The following TIMM44 variants were observed in gnomAD, a reference collection of about 807,000 sequenced individuals.
TIMM44 encodes mitochondrial import inner membrane translocase subunit TIM44.
TIMM44 carries 37 observed loss-of-function variants against 63.8 expected under a neutral mutation model. The observed-to-expected ratio is 0.58, with a 90% CI of 0.45 to 0.76. The LOEUF (loss-of-function observed/expected upper bound fraction) is 0.76, where lower values mean the gene tolerates loss of function less well. TIMM44 is among the 30% of genes least tolerant of loss of function. TIMM44 has a pLI of 0.00. For synonymous variants in TIMM44, 239 were observed against 245.1 expected (o/e 0.98, Z 0.23); for missense variants, 573 against 603.8 (o/e 0.95, Z 0.54).
At chr19:7,939,171 C>T (rs1255870022) in intron 2 of TIMM44, among the ~76,000 whole-genome samples, 1 of 151,976 alleles carries the variant, frequency 6.6e-6, no homozygotes, top group East Asian at 1.9e-4. Flanking sequence ...AACATCCTGT[C>T]AATTGTGACA....
At chr19:7,935,676 C>T (rs1003710658) in intron 3 of TIMM44, among the ~76,000 whole-genome samples, 3 of 152,336 alleles carry the variant, frequency 2.0e-5, no homozygotes, top group East Asian at 1.9e-4. Flanking sequence ...CTCGGGTCCC[C>T]GCTTGGCAGC....
rs1568296604 is a variant in TIMM44, at chr19:7,934,293, GC to G, written c.394-56del. The stretch of plus-strand genomic sequence containing the variant: ...TGGCACCGGCCCTGGCGGCCGGGGG[GC>G]GGGGCAGGAGGAATGAATTCCTGCC... On this transcript the variant is annotated intron_variant, in intron 4 of 12. Coordinates refer to ENST00000270538, the MANE Select transcript of TIMM44 (RefSeq NM_006351.4). The surrounding 1 kb of genome is among the most constrained non-coding windows in gnomAD (Gnocchi z 5.3). 1 of 1,599,990 alleles carries G rather than the reference GC, an allele frequency of 6.3e-7. No individual in the cohort carries two copies. Among genetic ancestry groups the G allele is most frequent in the Non-Finnish European group, 8.5e-7 (1 of 1,176,958 alleles).
Position 7,927,087 on chromosome 19 carries a change from C to A in TIMM44, c.*100G>T. On this transcript the variant is annotated 3_prime_UTR_variant, in exon 13 of 13. Transcript: ENST00000270538. ...TCCTGGCAGAGCTGGGGGCAGAGCC[C>A]GCAGTCTTGTTCCCAGAGGTCTGGA... 1.3e-6 allele frequency: 2 copies of A among 1,495,428 alleles called. No homozygotes were observed. Among genetic ancestry groups the A allele is most frequent in the Non-Finnish European group, 1.8e-6 (2 of 1,111,224 alleles). The allele number at this position is 1,495,428 out of a possible 1,614,324, so 92.6% of individuals were successfully genotyped here.
Position 7,934,103 on chromosome 19 carries a change from T to C in TIMM44, c.529A>G (p.Arg177Gly). Residue 177 changes from arginine to glycine, a missense_variant, in exon 5 of 13, where the codon AGA (arginine) becomes GGA (glycine). Coordinates refer to ENST00000270538, the MANE Select transcript of TIMM44 (RefSeq NM_006351.4). This position sits in a 1 kb window ranked among gnomAD's most constrained non-coding sequence, Gnocchi z 5.3. Reference protein sequence around the residue: ...GEKLGRTAAFRALSQGVESVK... With the variant: ...GEKLGRTAAFGALSQGVESVK... ...ACTGGGCTCACCTGGGAGAGGGCTC[T>C]GAAGGCCGCTGTCCTGCCCAGCTTC... The C allele has an allele frequency of 6.2e-7, 1 of 1,613,266 alleles. No homozygotes were observed. Among genetic ancestry groups the C allele is most frequent in the South Asian group, 1.1e-5 (1 of 91,082 alleles).
intron 1 of TIMM44, among the ~76,000 whole-genome samples, chr19:7,942,589 A>G (rs1170445640): frequency 4.0e-5 from 6 of 150,688 alleles, no homozygotes; most frequent in Non-Finnish European, 8.9e-5. Flanking sequence ...TCTGCCTCCT[A>G]CCTCTGAGAA....
Position 7,930,443 on chromosome 19 carries a change from G to A in TIMM44, c.1038+695C>T, listed in dbSNP as rs910674437. Among the ~76,000 whole-genome samples the A allele has an allele frequency of 2.0e-5, 3 of 151,878 alleles. No individual in the cohort carries two copies. The Middle Eastern group carries it at 0.01, about 517-fold the overall frequency. Reference sequence around the variant, plus strand: ...ACTGCCTCAGCCTCCCCAGTAGCTGGGATTACAGACATGCACCAGCATGCC... The same window carrying A: ...ACTGCCTCAGCCTCCCCAGTAGCTGAGATTACAGACATGCACCAGCATGCC... On this transcript the variant is annotated intron_variant, in intron 10 of 12. Coordinates refer to ENST00000270538, the MANE Select transcript of TIMM44 (RefSeq NM_006351.4).
At chr19:7,939,125 G>C (rs909911053) in intron 2 of TIMM44, among the ~76,000 whole-genome samples, 13 of 152,084 alleles carry the variant, frequency 8.5e-5, no homozygotes, top group African/African-American at 2.7e-4. Flanking sequence ...GAGGGAACCG[G>C]AAGGTAAACC....
Position 7,931,246 on chromosome 19 carries a change from G to A in TIMM44, c.988-58C>T, listed in dbSNP as rs1213934853. ...AGAGTGGGCTTTTCAGGCAGCAGGCGAGGTCCTGGGAACATTCTCCAGTGG... is the reference window on the plus strand; with the variant it reads ...AGAGTGGGCTTTTCAGGCAGCAGGCAAGGTCCTGGGAACATTCTCCAGTGG... On this transcript the variant is annotated intron_variant, in intron 9 of 12. Transcript: ENST00000270538. The A allele has an allele frequency of 9.3e-6, 14 of 1,499,974 alleles. No homozygotes were observed. In the Admixed American group the frequency reaches 1.5e-4, roughly 16 times the overall value. 92.9% of individuals were successfully genotyped at this position (1,499,974 alleles called of 1,614,324 possible). A position where few individuals can be genotyped will look rare whatever the true frequency, so the allele number is the denominator to read the frequency against.
chr19:7,942,201 G>T (rs1463166809), intron 1 of TIMM44, among the ~76,000 whole-genome samples: 1 of 152,150 alleles, frequency 6.6e-6, no homozygotes, highest in Non-Finnish European at 1.5e-5. Context: ...ACAAAAATTA[G>T]CCGGGCGTGG....
At position 7,932,776 on chromosome 19, in the gene TIMM44, C is replaced by CG. The variant is rs567764589; in HGVS notation, c.863-26dup. 327 of 1,613,954 alleles carry CG rather than the reference C, an allele frequency of 2.0e-4. 1 individual carries two copies. In the South Asian group the frequency reaches 3.3e-3, roughly 17 times the overall value. On this transcript the variant is annotated intron_variant, in intron 8 of 12. Coordinates refer to ENST00000270538, the MANE Select transcript of TIMM44 (RefSeq NM_006351.4). ...CCTGCAGGGAGCAGAGCCGGGAGTT[C>CG]GGGGGGAAGGCCGGGGACCCCGCCC...
chr19:7,940,477 G>A (rs933306087), intron 2 of TIMM44, among the ~76,000 whole-genome samples: 1 of 152,034 alleles, frequency 6.6e-6, no homozygotes, highest in Admixed American at 6.6e-5. Context: ...CACAGGTCCT[G>A]TCCCACACCC....
chr19:7,943,467 CTA>C lies in TIMM44; in HGVS notation c.45+138_45+139del. 1 of 1,051,370 alleles carries C rather than the reference CTA, an allele frequency of 9.5e-7. No individual in the cohort carries two copies. Among genetic ancestry groups the C allele is most frequent in the African/African-American group, 1.6e-5 (1 of 63,318 alleles). 65.1% of individuals were successfully genotyped at this position (1,051,370 alleles called of 1,614,324 possible). A position where few individuals can be genotyped will look rare whatever the true frequency, so the allele number is the denominator to read the frequency against. On this transcript the variant is annotated intron_variant, in intron 1 of 12. Transcript: ENST00000270538. The surrounding 1 kb of genome is among the most constrained non-coding windows in gnomAD (Gnocchi z 4.3). ...TCTGTGCCCCCTGTCCTGGCCTCTGCTACCCAAAGATCTAACCCCAAGCTTTC... is the reference window on the plus strand; with the variant it reads ...TCTGTGCCCCCTGTCCTGGCCTCTGCCCCAAAGATCTAACCCCAAGCTTTC...
In TIMM44 at chr19:7,935,127, T is replaced by C. The variant is rs1599649640; in HGVS notation, c.331A>G (p.Thr111Ala). Residue 111 changes from threonine to alanine, a missense_variant, in exon 4 of 13, where the codon ACC becomes GCC. Physicochemically the swap from Thr to Ala is moderately conservative, Grantham distance 58 (BLOSUM62 0). Coordinates refer to ENST00000270538, the MANE Select transcript of TIMM44 (RefSeq NM_006351.4). ...CGTAGCACCTCGCTCGTCCGCACGG[T>C]TTCTGACTCGATGGTTTTCTAGGTA... ...RRKYKTIESE[T>A]VRTSEVLRKK... is the part of the protein sequence containing the mutation. 6.2e-7 allele frequency: 1 copy of C among 1,613,486 alleles called. No individual in the cohort carries two copies. Among genetic ancestry groups the C allele is most frequent in the East Asian group, 2.2e-5 (1 of 44,860 alleles).
intron 2 of TIMM44, among the ~76,000 whole-genome samples, chr19:7,939,843 G>A (rs1274338814): frequency 6.6e-6 from 1 of 151,824 alleles, no homozygotes; most frequent in Non-Finnish European, 1.5e-5. Flanking sequence ...AACTCGGGAG[G>A]TGGAGGTTGC....
intron 2 of TIMM44, among the ~76,000 whole-genome samples, chr19:7,939,714 G>A (rs1432623190): frequency 6.6e-5 from 10 of 151,642 alleles, no homozygotes; most frequent in Non-Finnish European, 1.5e-4. Context: ...CCAGGAGTCC[G>A]AGACAAGCCT....
In TIMM44 at chr19:7,935,117, G is replaced by A. The variant is rs143916790; in HGVS notation, c.341C>T (p.Thr114Met). 3.7e-5 allele frequency: 60 copies of A among 1,612,470 alleles called. No individual in the cohort carries two copies. In the East Asian group the frequency reaches 4.2e-4, roughly 11 times the overall value. The change falls in exon 4 of 13, where the codon ACG becomes ATG. Residue 114 changes from threonine (T) to methionine (M), a missense_variant. Thr to Met is a moderately conservative substitution (Grantham distance 81). Coordinates refer to ENST00000270538, the MANE Select transcript of TIMM44 (RefSeq NM_006351.4). ...AAGCTTCTTCCGTAGCACCTCGCTC[G>A]TCCGCACGGTTTCTGACTCGATGGT... ...YKTIESETVR[T>M]SEVLRKKLGE...
Position 7,926,952 on chromosome 19 carries a change from T to G in TIMM44, c.*235A>C. On this transcript the variant is annotated 3_prime_UTR_variant, in exon 13 of 13. Coordinates refer to ENST00000270538, the MANE Select transcript of TIMM44 (RefSeq NM_006351.4). ...CCAGGTGACCAGGCGCCGGGACCCC[T>G]GCAGGGCAGAGCAACAGGGCAGGGG... 1.8e-6 allele frequency: 1 copy of G among 561,126 alleles called. No individual in the cohort carries two copies. The highest frequency in any genetic ancestry group is 3.2e-6 in the Non-Finnish European group (1 of 315,370). 34.8% of individuals were successfully genotyped at this position (561,126 alleles called of 1,614,324 possible).
At chr19:7,930,128 C>T (rs896742825) in intron 10 of TIMM44, among the ~76,000 whole-genome samples, 9 of 151,806 alleles carry the variant, frequency 5.9e-5, no homozygotes, top group African/African-American at 1.5e-4. Flanking sequence ...GGATGACAGG[C>T]GTTAGCCACC....
At position 7,928,102 on chromosome 19, in the gene TIMM44, C is replaced by T. The variant is rs150088116; in HGVS notation, c.1103G>A (p.Arg368His). The T allele has an allele frequency of 1.2e-5, 20 of 1,613,924 alleles. No individual in the cohort carries two copies. The highest frequency in any genetic ancestry group is 1.6e-4 in the Middle Eastern group (1 of 6,084). Residue 368 changes from arginine to histidine, a missense_variant, in exon 11 of 13, where the codon CGC (arginine) becomes CAC (histidine). Arg to His is a conservative substitution (Grantham distance 29). Coordinates refer to ENST00000270538, the MANE Select transcript of TIMM44 (RefSeq NM_006351.4). ...AKALGLQFHSRILDIDNVDLA... is the reference protein window; with the variant it reads ...AKALGLQFHSHILDIDNVDLA... ...GTCGACGTTGTCAATGTCTAGGATGCGAGAATGGAACTGGAGACCCAGTGC... is the reference window on the plus strand; with the variant it reads ...GTCGACGTTGTCAATGTCTAGGATGTGAGAATGGAACTGGAGACCCAGTGC...
Sources: gnomAD v4.1 joint callset for allele counts (sites outside exome capture counted in the v4.1 genomes callset) on GRCh38, gnomAD v4.1.1 for gene constraint, Gnocchi (gnomAD v3.1) non-coding constraint, MANE v1.5 for transcripts, NCBI Gene and HGNC (gene_info 2026-07-23, HGNC 2026-07-21) for gene names.